NR1D2: variants seen among roughly 807,000 people sequenced by gnomAD.
NR1D2 encodes the protein nuclear receptor subfamily 1 group D member 2, also known as V-erbA-related protein 1-related.
A neutral mutation model predicts 52.2 loss-of-function variants in NR1D2; 25 were observed. The ratio of observed to expected loss-of-function variants is 0.48; its 90% CI spans 0.35 to 0.67. NR1D2 has a LOEUF of 0.67. Among genes scored for constraint, NR1D2 ranks in the 30% least tolerant of loss-of-function variants. The probability of loss-of-function intolerance (pLI) is 0.01; values close to 1 mark genes in which losing one functional copy is unlikely to be tolerated. For missense variants in NR1D2, 681 were observed against 707.2 expected, an observed-to-expected ratio of 0.96 and a Z score of 0.42; for synonymous variants, 259 against 230.1, an observed-to-expected ratio of 1.13 and a Z score of -1.14.
chr3:23,969,521 C>G (rs1706534354), intron 7 of NR1D2, among the ~76,000 whole-genome samples: 1 of 152,142 alleles, frequency 6.6e-6, no homozygotes. Flanking sequence ...TGCATTTTAC[C>G]TATCATTTGC....
intron 4 of NR1D2, among the ~76,000 whole-genome samples, chr3:23,960,641 T>C (rs563745818): frequency 6.6e-6 from 1 of 152,296 alleles, no homozygotes; most frequent in East Asian, 1.9e-4. Context: ...CAGGAGTTTT[T>C]TGAGTAACAG....
At chr3:23,952,457 C>T (rs61274541) in intron 1 of NR1D2, among the ~76,000 whole-genome samples, 2 of 152,026 alleles carry the variant, frequency 1.3e-5, no homozygotes, top group African/African-American at 4.8e-5. Context: ...CACCTGTAAT[C>T]TCAGCACTTT....
In NR1D2 at chr3:23,962,047, G is replaced by GA; in HGVS notation, c.589dup (p.Thr197AsnfsTer14). ...TAATTGAAATGCAAAGTGCAATGAA[G>GA]ACCATGATGAACAGCCAGTTCAGTG... On this transcript the variant is annotated frameshift_variant, in exon 5 of 8. Coordinates refer to ENST00000312521, the MANE Select transcript of NR1D2 (RefSeq NM_005126.5). LOFTEE classifies it high-confidence loss of function. 1 of 1,614,156 alleles carries GA rather than the reference G, an allele frequency of 6.2e-7. No individual in the cohort carries two copies. The highest frequency in any genetic ancestry group is 8.5e-7 in the Non-Finnish European group (1 of 1,180,014).
Position 23,970,778 on chromosome 3 carries a change from GTTT to G in NR1D2, c.1543+2760_1543+2762del, listed in dbSNP as rs573305002. Among the ~76,000 whole-genome samples the G allele has an allele frequency of 3.5e-4, 53 of 150,750 alleles. 1 individual carries two copies. In the South Asian group the frequency reaches 0.011, roughly 31 times the overall value. ...CTGTTTTTTGTTGTTGTTGTTGTTT[GTTT>G]TTTTATTTTTATTTTTGGAGATGGA... On this transcript the variant is annotated intron_variant, in intron 7 of 7. Transcript: ENST00000312521.
Position 23,956,218 on chromosome 3 carries a change from G to C in NR1D2, c.372+93G>C, listed in dbSNP as rs141474242. ...CATTTGTGCAATTGATAGTCTGAGA[G>C]ACAGTGAGAAGTCAGCTGCTCTTTT... On this transcript the variant is annotated intron_variant, in intron 3 of 7. Coordinates refer to ENST00000312521, the MANE Select transcript of NR1D2 (RefSeq NM_005126.5). 44 of 949,790 alleles carry C rather than the reference G, an allele frequency of 4.6e-5. No homozygotes were observed. In the East Asian group the frequency reaches 1.0e-3, roughly 22 times the overall value. 58.8% of individuals were successfully genotyped at this position (949,790 alleles called of 1,614,324 possible).
rs562314402 is a variant in NR1D2, at chr3:23,955,832, ACAAAG to A, written c.284-200_284-196del. 7.0e-3 allele frequency among the ~76,000 whole-genome samples: 1,072 copies of A among 152,226 alleles called. 5 individuals are homozygous for A. Among genetic ancestry groups the A allele is most frequent in the Non-Finnish European group, 0.012 (788 of 68,012 alleles). On this transcript the variant is annotated intron_variant, in intron 2 of 7. Coordinates refer to ENST00000312521, the MANE Select transcript of NR1D2 (RefSeq NM_005126.5). ...AGGGAGACTCTATCTTTAAAACAAA[ACAAAG>A]CAAAACAAAAAAAAAACACCGTAAG...
At chr3:23,971,466 G>A (rs543547386) in intron 7 of NR1D2, among the ~76,000 whole-genome samples, 2 of 151,190 alleles carry the variant, frequency 1.3e-5, no homozygotes, top group East Asian at 2.0e-4. Context: ...ACAGGGTTTC[G>A]TCGTGTTGGC....
At position 23,979,579 on chromosome 3, in the gene NR1D2, T is replaced by C. The variant is rs1706822622; in HGVS notation, c.*2160T>C. 1 of 152,136 alleles carries C rather than the reference T, an allele frequency of 6.6e-6. No homozygotes were observed. The allele number at this position is 152,136 out of a possible 1,614,324, so 9.4% of individuals were successfully genotyped here. A position where few individuals can be genotyped will look rare whatever the true frequency, so the allele number is the denominator to read the frequency against. On this transcript the variant is annotated 3_prime_UTR_variant, in exon 8 of 8. Coordinates refer to ENST00000312521, the MANE Select transcript of NR1D2 (RefSeq NM_005126.5). ...ACATATATACATCTCTATATAGGTA[T>C]ATAGATTTGCATTTTGTCTTGTAAA... is the stretch of plus-strand genomic sequence containing the variant.
intron 1 of NR1D2, among the ~76,000 whole-genome samples, chr3:23,948,893 A>G (rs1373897884): frequency 6.6e-6 from 1 of 152,180 alleles, no homozygotes; most frequent in Non-Finnish European, 1.5e-5. Context: ...ATCCCCACTC[A>G]ATTTGCAGTG....
intron 7 of NR1D2, 85 bp downstream of exon 7, chr3:23,968,108 A>C (rs544328342): frequency 9.8e-7 from 1 of 1,021,466 alleles, no homozygotes; most frequent in South Asian, 1.3e-5. Context: ...GGTTCCAGAA[A>C]GTTATATAGA....
chr3:23,951,485 G>A (rs531451004), intron 1 of NR1D2, among the ~76,000 whole-genome samples: 1 of 152,346 alleles, frequency 6.6e-6, no homozygotes, highest in South Asian at 2.1e-4. Flanking sequence ...CTGTGAAAAA[G>A]TAGCAGTGTG....
chr3:23,977,088 A>G, intron 7 of NR1D2, 135 bp from the exon 8 acceptor site: 1 of 449,106 alleles, frequency 2.2e-6, no homozygotes, highest in East Asian at 3.5e-5. Flanking sequence ...AAATTTGTCA[A>G]CTTTTGCCTT....
At chr3:23,965,501 G>A (rs1706419242) in intron 6 of NR1D2, among the ~76,000 whole-genome samples, 1 of 151,430 alleles carries the variant, frequency 6.6e-6, no homozygotes, top group Non-Finnish European at 1.5e-5. Context: ...GCCCACTTTG[G>A]CCTCCTAAAG....
chr3:23,945,660 T>TG (rs1209411756), intron 1 of NR1D2, 66 bp downstream of exon 1: 1 of 255,292 alleles, frequency 3.9e-6, no homozygotes, highest in South Asian at 1.7e-4. Context: ...CGGGGCACTT[T>TG]GGGGGGCGGC....
intron 7 of NR1D2, among the ~76,000 whole-genome samples, chr3:23,971,302 T>C (rs35899757): frequency 0.43 from 52,740 of 123,726 alleles, 10,992 homozygotes; most frequent in Middle Eastern, 0.58. Context: ...TCTCTATACC[T>C]ATTTTTTTTT....
rs60587118 is a variant in NR1D2 at position 23,974,088 on chromosome 3, C to CTTTTTTTTTTT, written c.1544-3119_1544-3109dup. On this transcript the variant is annotated intron_variant, in intron 7 of 7. Coordinates refer to ENST00000312521, the MANE Select transcript of NR1D2 (RefSeq NM_005126.5). ...CTGCCTGAGGCTGCTTTACAGTTAC[C>CTTTTTTTTTTT]TTTTTTTTTTTTTTTTTTTTTTTTT... is the stretch of plus-strand genomic sequence containing the variant. 1.0e-4 allele frequency among the ~76,000 whole-genome samples: 8 copies of CTTTTTTTTTTT among 79,508 alleles called. 3 individuals are homozygous for CTTTTTTTTTTT. Among genetic ancestry groups the CTTTTTTTTTTT allele is most frequent in the Admixed American group, 4.1e-4 (2 of 4,916 alleles). 52.2% of individuals were successfully genotyped at this position (79,508 alleles called of 152,430 possible).
At chr3:23,948,790 T>C (rs1705847647) in intron 1 of NR1D2, among the ~76,000 whole-genome samples, 2 of 152,236 alleles carry the variant, frequency 1.3e-5, no homozygotes, top group Admixed American at 6.5e-5. Flanking sequence ...TACTGTGCTA[T>C]AATGTACTTT....
At chr3:23,969,157 G>T (rs1399353102) in intron 7 of NR1D2, among the ~76,000 whole-genome samples, 1 of 152,094 alleles carries the variant, frequency 6.6e-6, no homozygotes, top group Non-Finnish European at 1.5e-5. Flanking sequence ...ATGGTGGCAC[G>T]TGCCTGTAGT....
intron 4 of NR1D2, 82 bp downstream of exon 4, chr3:23,959,897 G>A (rs763513188): frequency 2.3e-5 from 30 of 1,309,308 alleles, no homozygotes; most frequent in South Asian, 3.2e-5. Flanking sequence ...GCTATAAACC[G>A]GTTACCAAGG....
Sources: gnomAD v4.1 joint callset for allele counts (sites outside exome capture counted in the v4.1 genomes callset) on GRCh38, gnomAD v4.1.1 for gene constraint, MANE v1.5 for transcripts, NCBI Gene and HGNC (gene_info 2026-07-23, HGNC 2026-07-21) for gene names.